The following NAV1 variants were observed in gnomAD, a reference collection of about 807,000 sequenced individuals.
NAV1 encodes the protein neuron navigator 1, also known as pore membrane and/or filament interacting like protein 3.
In NAV1, 18 loss-of-function variants were observed where a neutral mutation model predicts 175.2. The ratio of observed to expected loss-of-function variants is 0.10; its 90% CI spans 0.07 to 0.15. The LOEUF (loss-of-function observed/expected upper bound fraction) is 0.15, where lower values mean the gene tolerates loss of function less well. NAV1 is among the 10% of genes least tolerant of loss of function. The pLI, the probability that NAV1 is intolerant of heterozygous loss-of-function variation, is 1.00. For synonymous variants in NAV1, 897 were observed against 978.7 expected, an observed-to-expected ratio of 0.92 and a Z score of 1.56; for missense variants, 1,731 against 2,436.6, an observed-to-expected ratio of 0.71 and a Z score of 6.10.
At chr1:201,611,728 T>C (rs532222696) in intron 2 of NAV1, among the ~76,000 whole-genome samples, 1 of 152,310 alleles carries the variant, frequency 6.6e-6, no homozygotes, top group South Asian at 2.1e-4. Context: ...TGGGGCTCAT[T>C]TTTCCAGGGA....
At chr1:201,648,132 T>G, upstream of NAV1, 3 of 494,784 alleles carry the variant, frequency 6.1e-6, no homozygotes, top group Non-Finnish European at 7.8e-6. Flanking sequence ...CCTCCTCCTG[T>G]TTGCTCCCCG....
At chr1:201,672,765 T>G (rs532779901) in intron 1 of NAV1, among the ~76,000 whole-genome samples, 1 of 152,348 alleles carries the variant, frequency 6.6e-6, no homozygotes, top group South Asian at 2.1e-4. Flanking sequence ...AAGAAGTCCC[T>G]GTGGTCAGAG....
rs1206565628 is a variant in NAV1, at chr1:201,694,444, C to T, written c.758-18373C>T. Among the ~76,000 whole-genome samples, 1 of 152,100 alleles carries T rather than the reference C, an allele frequency of 6.6e-6. No homozygotes were observed. Among genetic ancestry groups the T allele is most frequent in the African/African-American group, 2.4e-5 (1 of 41,388 alleles). ...TCTGGCTCATTAAAGATAGATGACC[C>T]TGGGGAGGGTGAGGGCCGGGGTCAC... On this transcript the variant is annotated intron_variant, in intron 1 of 29. Transcript: ENST00000367296. This position sits in a 1 kb window ranked among gnomAD's most constrained non-coding sequence, Gnocchi z 4.2.
At chr1:201,635,520 T>C (rs923722658) in intron 2 of NAV1, among the ~76,000 whole-genome samples, 1 of 152,194 alleles carries the variant, frequency 6.6e-6, no homozygotes, top group African/African-American at 2.4e-5. Context: ...ATGGTGGCCC[T>C]GGAGAAGCCC....
intron 1 of NAV1, among the ~76,000 whole-genome samples, chr1:201,671,158 C>T (rs527335947): frequency 1.3e-5 from 2 of 152,176 alleles, no homozygotes; most frequent in Non-Finnish European, 2.9e-5. Flanking sequence ...AGCCCAGGAC[C>T]GTGCTGGATA....
intron 2 of NAV1, among the ~76,000 whole-genome samples, chr1:201,602,373 G>A (rs993475096): frequency 5.3e-5 from 8 of 151,948 alleles, no homozygotes; most frequent in African/African-American, 9.7e-5. Context: ...ATGGAGTCTC[G>A]TTCTGTCACC....
At chr1:201,540,518 C>A (rs1665482522) in intron 1 of NAV1, among the ~76,000 whole-genome samples, 1 of 152,172 alleles carries the variant, frequency 6.6e-6, no homozygotes, top group Non-Finnish European at 1.5e-5. Flanking sequence ...CTGGAGACTT[C>A]GCAAAAAGAA....
intron 1 of NAV1, among the ~76,000 whole-genome samples, chr1:201,624,382 C>T (rs1329401204): frequency 2.5e-5 from 3 of 121,558 alleles, no homozygotes; most frequent in African/African-American, 9.5e-5. Context: ...CTCACTCTAT[C>T]GCCCAGGCTG....
intron 10 of NAV1, among the ~76,000 whole-genome samples, chr1:201,789,497 G>A (rs1427319576): frequency 1.3e-5 from 2 of 152,112 alleles, no homozygotes; most frequent in Non-Finnish European, 2.9e-5. Context: ...CCCTCAGAGC[G>A]GGCTAAGCAA....
chr1:201,571,486 C>A (rs1449328528), intron 1 of NAV1, among the ~76,000 whole-genome samples: 1 of 152,176 alleles, frequency 6.6e-6, no homozygotes, highest in African/African-American at 2.4e-5. Context: ...GGAATGCAGT[C>A]CCTGCTGTCA....
At position 201,782,576 on chromosome 1, in the gene NAV1, G is replaced by A. The variant is rs1558158514; in HGVS notation, c.2064G>A (p.Arg688=). 10 of 1,612,308 alleles carry A rather than the reference G, an allele frequency of 6.2e-6. No individual in the cohort carries two copies. In the South Asian group the frequency reaches 1.1e-4, roughly 18 times the overall value. The change falls in exon 6 of 30, where the codon CGG becomes CGA. Residue 688 remains arginine, a synonymous_variant. Coordinates refer to ENST00000367296, the Ensembl canonical transcript of NAV1. This position sits in a 1 kb window ranked among gnomAD's most constrained non-coding sequence, Gnocchi z 5.4. ...GTTCTATGAGCGTGACCGGCGGGCG[G>A]GGTGGACCTCGCCCTGTGAGCAGCA... is the stretch of plus-strand genomic sequence containing the variant.
chr1:201,575,656 T>A (rs1234559395), intron 1 of NAV1, among the ~76,000 whole-genome samples: 1 of 152,152 alleles, frequency 6.6e-6, no homozygotes, highest in African/African-American at 2.4e-5. Flanking sequence ...AAATACCTAA[T>A]GTCAAAAATG....
At chr1:201,701,108 T>C (rs536481352) in intron 1 of NAV1, among the ~76,000 whole-genome samples, 12 of 151,630 alleles carry the variant, frequency 7.9e-5, no homozygotes, top group African/African-American at 2.9e-4. Flanking sequence ...TCATGTCCTT[T>C]GCAGGGTCAT....
At position 201,549,220 on chromosome 1, in the gene NAV1, C is replaced by CT. The variant is rs936188146; in HGVS notation, c.-144+9885dup. Among the ~76,000 whole-genome samples the CT allele has an allele frequency of 1.4e-4, 20 of 141,150 alleles. 1 individual carries two copies. Among genetic ancestry groups the CT allele is most frequent in the Non-Finnish European group, 7.8e-5 (5 of 64,036 alleles). 92.6% of individuals were successfully genotyped at this position (141,150 alleles called of 152,430 possible). ...TCCTTCTTTCTTTCTTTCCTTCTTTCTTTTTTTGACAAAGTCTCACTCTGT... is the reference window on the plus strand; with the variant it reads ...TCCTTCTTTCTTTCTTTCCTTCTTTCTTTTTTTTGACAAAGTCTCACTCTGT... On this transcript the variant is annotated intron_variant, in intron 1 of 33. Coordinates refer to the NAV1 transcript ENST00000685211.
chr1:201,602,651 GTTTT>G (rs375268009), intron 2 of NAV1, among the ~76,000 whole-genome samples: 1 of 112,752 alleles, frequency 8.9e-6, no homozygotes, highest in Non-Finnish European at 1.9e-5. Context: ...TTTTTTTTTG[GTTTT>G]TTTTTTTTTT....
In NAV1 at chr1:201,542,631, G is replaced by A. The variant is rs543287619; in HGVS notation, c.-144+3289G>A. Among the ~76,000 whole-genome samples the A allele has an allele frequency of 1.8e-3, 279 of 152,206 alleles. 2 individuals carry two copies. The highest frequency in any genetic ancestry group is 1.6e-3 in the Non-Finnish European group (108 of 68,022). On this transcript the variant is annotated intron_variant, in intron 1 of 33. Transcript: ENST00000685211. Reference sequence around the variant, plus strand: ...ACTCTTGAGACGTGAAGCGAGGCAGGATGGCTGAGACCCAGGCCACTCTGA... The same window carrying A: ...ACTCTTGAGACGTGAAGCGAGGCAGAATGGCTGAGACCCAGGCCACTCTGA...
At position 201,787,490 on chromosome 1, in the gene NAV1, G is replaced by A. The variant is rs1038481669; in HGVS notation, c.2995+913G>A. 2.6e-5 allele frequency among the ~76,000 whole-genome samples: 4 copies of A among 152,184 alleles called. No individual in the cohort carries two copies. The highest frequency in any genetic ancestry group is 9.7e-5 in the African/African-American group (4 of 41,444). On this transcript the variant is annotated intron_variant, in intron 9 of 29. Transcript: ENST00000367296. This position sits in a 1 kb window ranked among gnomAD's most constrained non-coding sequence, Gnocchi z 4.3. ...CAGACAGGATCATCTGCCCTCTGAA[G>A]GGCTACTAAATGGAGGATGGGGCCA...
At chr1:201,801,191 T>A (rs1351356995) in intron 15 of NAV1, among the ~76,000 whole-genome samples, 4 of 152,250 alleles carry the variant, frequency 2.6e-5, no homozygotes, top group Non-Finnish European at 5.9e-5. Flanking sequence ...TAACTGGGTA[T>A]GATAATCGTT....
intron 1 of NAV1, among the ~76,000 whole-genome samples, chr1:201,624,249 A>T (rs1200082370): frequency 3.3e-5 from 5 of 152,068 alleles, no homozygotes; most frequent in Non-Finnish European, 5.9e-5. Context: ...AGTATTCACA[A>T]CAAGATGGCC....
Sources: allele counts gnomAD v4.1 joint callset (sites outside exome capture counted in the v4.1 genomes callset), GRCh38; gene constraint gnomAD v4.1.1; non-coding constraint Gnocchi (gnomAD v3.1); transcripts MANE v1.5; gene names NCBI Gene and HGNC (gene_info 2026-07-23, HGNC 2026-07-21).